The following CIP2A variants were observed in gnomAD, a reference collection of about 807,000 sequenced individuals.
The protein encoded by CIP2A is protein CIP2A.
Under a neutral mutation model 110.9 loss-of-function variants are expected in CIP2A, and 103 were observed. The observed-to-expected ratio is 0.93, with a 90% CI of 0.79 to 1.09. The LOEUF (loss-of-function observed/expected upper bound fraction) is 1.09. Among genes scored for constraint, CIP2A ranks in the 50% least tolerant of loss-of-function variants. The pLI, the probability that CIP2A is intolerant of heterozygous loss-of-function variation, is 0.00. For synonymous variants in CIP2A, 381 were observed against 361.6 expected (o/e 1.05, Z -0.61); for missense variants, 1,088 against 1,038.4 (o/e 1.05, Z -0.66).
At chr3:108,566,264 CA>C (rs1357282848) in intron 11 of CIP2A, among the ~76,000 whole-genome samples, 1 of 151,628 alleles carries the variant, frequency 6.6e-6, no homozygotes. Context: ...TAAGTTAAAA[CA>C]AGACAAAACA....
In CIP2A at chr3:108,585,183, T is replaced by C. The variant is rs751306980; in HGVS notation, c.132A>G (p.Leu44=). ...TTGTTAATATCTGATTTGATGTAAA[T>C]AGTCGTGTGAGTTTCTGTCCAGAAA... is the stretch of plus-strand genomic sequence containing the variant. The part of the protein sequence containing the change: ...EVISGQKLTR[L]FTSNQILTSE... Residue 44 remains leucine, a synonymous_variant, in exon 2 of 21, where the codon CTA becomes CTG. Coordinates refer to ENST00000295746, the MANE Select transcript of CIP2A (RefSeq NM_020890.3). 7.9e-5 allele frequency: 127 copies of C among 1,611,586 alleles called. No individual in the cohort carries two copies. Among genetic ancestry groups the C allele is most frequent in the Non-Finnish European group, 9.4e-5 (111 of 1,178,758 alleles).
chr3:108,552,182 C>A (rs369964414), intron 20 of CIP2A, 52 bp downstream of exon 20: 3 of 1,462,072 alleles, frequency 2.1e-6, no homozygotes, highest in Non-Finnish European at 1.8e-6. Context: ...TCACCCTTTT[C>A]ACAACAGACT....
Position 108,563,123 on chromosome 3 carries a change from C to G in CIP2A, c.1634+3G>C, listed in dbSNP as rs987372596. The G allele has an allele frequency of 7.0e-6, 11 of 1,572,546 alleles. No homozygotes were observed. Among genetic ancestry groups the G allele is most frequent in the Non-Finnish European group, 9.6e-6 (11 of 1,142,568 alleles). On this transcript the variant is annotated splice_donor_region_variant and intron_variant, in intron 13 of 20. Coordinates refer to ENST00000295746, the MANE Select transcript of CIP2A (RefSeq NM_020890.3). ...AGATACACTGCAAATGATTACAACT[C>G]ACACTAAAGCAGGAAAATCTGGCAG...
rs781133227 is a variant in CIP2A at position 108,551,314 on chromosome 3, G to A, written c.2553C>T (p.Ser851=). 1 of 1,601,914 alleles carries A rather than the reference G, an allele frequency of 6.2e-7. No individual in the cohort carries two copies. Among genetic ancestry groups the A allele is most frequent in the Non-Finnish European group, 8.5e-7 (1 of 1,173,522 alleles). ...ATTGTGCCTTTTGAACCTCTAGGGA[G>A]GAAGCCTAAGGAATTGGGGTTGGGG... ...QIRKELSIKA[S]SLEVQKAQLE... The change falls in exon 21 of 21, where the codon TCC becomes TCT. Residue 851 remains serine (S), a synonymous_variant. Coordinates refer to ENST00000295746, the MANE Select transcript of CIP2A (RefSeq NM_020890.3).
intron 11 of CIP2A, among the ~76,000 whole-genome samples, chr3:108,566,068 T>A (rs940429772): frequency 6.6e-6 from 1 of 151,716 alleles, no homozygotes; most frequent in African/African-American, 2.4e-5. Context: ...CCTTTAACCA[T>A]AATTCCTGAC....
chr3:108,582,586 GC>G (rs1938918146), intron 3 of CIP2A, among the ~76,000 whole-genome samples: 1 of 152,130 alleles, frequency 6.6e-6, no homozygotes, highest in South Asian at 2.1e-4. Flanking sequence ...AATATGAAGA[GC>G]TTTGAATCTA....
intron 14 of CIP2A, 148 bp from the exon 15 acceptor site, chr3:108,560,176 A>T: frequency 1.7e-6 from 1 of 575,582 alleles, no homozygotes; most frequent in Non-Finnish European, 3.1e-6. Flanking sequence ...AGTCACAAAT[A>T]TTTCTTTTTT....
At chr3:108,552,596 T>C (rs1221377390) in intron 19 of CIP2A, among the ~76,000 whole-genome samples, 1 of 152,046 alleles carries the variant, frequency 6.6e-6, no homozygotes, top group African/African-American at 2.4e-5. Flanking sequence ...TTCTCAAAAG[T>C]GTAAGGGTTA....
chr3:108,553,733 G>A lies in CIP2A; in HGVS notation c.2325-3C>T. The A allele has an allele frequency of 2.0e-6, 3 of 1,471,152 alleles. No homozygotes were observed. The highest frequency in any genetic ancestry group is 1.2e-5 in the South Asian group (1 of 86,732). 91.1% of individuals were successfully genotyped at this position (1,471,152 alleles called of 1,614,324 possible). ...TCTCTATTAATTGGGCAATACTTCT[G>A]AAGTTATTAAAAAAAATAGAAGAAA... is the stretch of plus-strand genomic sequence containing the variant. On this transcript the variant is annotated splice_polypyrimidine_tract_variant and splice_region_variant and intron_variant, in intron 18 of 20. Coordinates refer to ENST00000295746, the MANE Select transcript of CIP2A (RefSeq NM_020890.3).
At chr3:108,559,286 A>G (rs183573017) in intron 16 of CIP2A, among the ~76,000 whole-genome samples, 1 of 152,324 alleles carries the variant, frequency 6.6e-6, no homozygotes, top group Admixed American at 6.5e-5. Flanking sequence ...TAAAAACAGA[A>G]GAGGGAATAC....
At chr3:108,558,006 T>C (rs1356495165) in intron 16 of CIP2A, among the ~76,000 whole-genome samples, 1 of 152,162 alleles carries the variant, frequency 6.6e-6, no homozygotes, top group Non-Finnish European at 1.5e-5. Context: ...CTTTCTCTGT[T>C]TTTACGACTT....
At chr3:108,582,884 A>G in intron 3 of CIP2A, 93 bp downstream of exon 3, 1 of 636,842 alleles carries the variant, frequency 1.6e-6, no homozygotes, top group Non-Finnish European at 2.7e-6. Flanking sequence ...ATTATATAGC[A>G]TATATACACT....
At chr3:108,582,009 G>A (rs73850559) in intron 4 of CIP2A, 99 bp downstream of exon 4, 80,901 of 567,234 alleles carry the variant, frequency 0.14, 6,528 homozygotes, top group South Asian at 0.26. Context: ...CAGTTTATAT[G>A]TTAGAAAATG....
rs544859760 is a variant in CIP2A, at chr3:108,560,157, C to T, written c.1828-129G>A. 5.0e-6 allele frequency: 3 copies of T among 605,752 alleles called. No individual in the cohort carries two copies. The East Asian group carries it at 8.5e-5, about 17-fold the overall frequency. 37.5% of individuals were successfully genotyped at this position (605,752 alleles called of 1,614,324 possible). A position where few individuals can be genotyped will look rare whatever the true frequency, so the allele number is the denominator to read the frequency against. On this transcript the variant is annotated intron_variant, in intron 14 of 20. Transcript: ENST00000295746. ...AGTAACAAAATAAAAACAAATGCTA[C>T]ATCAGGTAAGTCACAAATATTTCTT...
At chr3:108,568,638 A>G (rs1389208918) in intron 9 of CIP2A, among the ~76,000 whole-genome samples, 1 of 152,022 alleles carries the variant, frequency 6.6e-6, no homozygotes, top group Non-Finnish European at 1.5e-5. Flanking sequence ...AGTAATAACA[A>G]TAATTAAATA....
Position 108,589,327 on chromosome 3 carries a change from A to G in CIP2A, c.49T>C (p.Tyr17His). 6.2e-7 allele frequency: 1 copy of G among 1,613,998 alleles called. No homozygotes were observed. The highest frequency in any genetic ancestry group is 8.5e-7 in the Non-Finnish European group (1 of 1,179,918). Reference sequence around the variant, plus strand: ...TTCGCCTCTGACTTCACGGCTTTGTACTGACTGACAGTCAGGAGCAAGGAC... The same window carrying G: ...TTCGCCTCTGACTTCACGGCTTTGTGCTGACTGACAGTCAGGAGCAAGGAC... The part of the protein sequence containing the change: ...LKSLLLTVSQ[Y>H]KAVKSEANAT... Residue 17 changes from tyrosine to histidine, a missense_variant, in exon 1 of 21, where the codon TAC becomes CAC. Tyr to His is a moderately conservative substitution (Grantham distance 83, BLOSUM62 2). Transcript: ENST00000295746.
chr3:108,566,607 A>G lies in CIP2A; in HGVS notation c.1305T>C (p.His435=), dbSNP rs567684085. 1.9e-6 allele frequency: 3 copies of G among 1,605,674 alleles called. No individual in the cohort carries two copies. Among genetic ancestry groups the G allele is most frequent in the African/African-American group, 2.7e-5 (2 of 74,622 alleles). ...TGACAGTTGTCAAGATTTTTGCAATATGCATTTTTAGTGTATCATCTCCAC... is the reference window on the plus strand; with the variant it reads ...TGACAGTTGTCAAGATTTTTGCAATGTGCATTTTTAGTGTATCATCTCCAC... ...TLCGDDTLKM[H]IAKILTTVKC... Residue 435 remains histidine, a synonymous_variant, in exon 11 of 21, where the codon CAT becomes CAC. Transcript: ENST00000295746.
rs1183529457 is a variant in CIP2A, at chr3:108,585,045, G to A, written c.250+20C>T. The A allele has an allele frequency of 3.1e-6, 5 of 1,593,218 alleles. No homozygotes were observed. In the Admixed American group the frequency reaches 8.9e-5, roughly 28 times the overall value. The stretch of plus-strand genomic sequence containing the variant: ...TCATACATCTTCCAAAAACTAAAAA[G>A]GAGAAATTAAATGCATTACCTAGTT... On this transcript the variant is annotated intron_variant, in intron 2 of 20. Transcript: ENST00000295746.
intron 1 of CIP2A, among the ~76,000 whole-genome samples, chr3:108,585,470 A>C (rs1939013980): frequency 6.6e-6 from 1 of 152,140 alleles, no homozygotes; most frequent in African/African-American, 2.4e-5. Flanking sequence ...TTCTTATACC[A>C]TCTCAGTTCG....
Sources: gnomAD v4.1 joint callset for allele counts (sites outside exome capture counted in the v4.1 genomes callset) on GRCh38, gnomAD v4.1.1 for gene constraint, MANE v1.5 for transcripts, NCBI Gene and HGNC (gene_info 2026-07-23, HGNC 2026-07-21) for gene names.